The following ANKS1B variants were observed in gnomAD, a reference collection of about 807,000 sequenced individuals.
ANKS1B encodes the protein ankyrin repeat and sterile alpha motif domain containing 1B, also known as ankyrin repeat and sterile alpha motif domain-containing protein 1B.
Under a neutral mutation model 148.3 loss-of-function variants are expected in ANKS1B, and 36 were observed. The observed-to-expected ratio is 0.24, with a 90% CI of 0.19 to 0.32. ANKS1B has a LOEUF of 0.32. Ranked by LOEUF, ANKS1B falls within the 10% of genes least tolerant of loss-of-function variation. The probability of loss-of-function intolerance (pLI) is 1.00; values close to 1 mark genes in which losing one functional copy is unlikely to be tolerated. For synonymous variants in ANKS1B, 542 were observed against 560.8 expected, an observed-to-expected ratio of 0.97 and a Z score of 0.47; for missense variants, 1,157 against 1,542.6, an observed-to-expected ratio of 0.75 and a Z score of 4.19.
At chr12:98,759,649 G>A (rs993050303) in intron 25 of ANKS1B, among the ~76,000 whole-genome samples, 7 of 152,140 alleles carry the variant, frequency 4.6e-5, no homozygotes, top group Admixed American at 3.3e-4. Flanking sequence ...AGGGTTCACT[G>A]ATACATGTGC....
intron 11 of ANKS1B, among the ~76,000 whole-genome samples, chr12:99,438,507 C>G (rs1018165918): frequency 1.3e-5 from 2 of 151,950 alleles, no homozygotes; most frequent in East Asian, 3.9e-4. Context: ...CTGTTCAATT[C>G]TTTCCTATCC....
intron 12 of ANKS1B, among the ~76,000 whole-genome samples, chr12:99,258,381 G>T (rs188231381): frequency 6.6e-6 from 1 of 151,790 alleles, no homozygotes; most frequent in Non-Finnish European, 1.5e-5. Flanking sequence ...AGAAACTAAG[G>T]GAGGTTTGGT....
chr12:99,672,529 G>A (rs2098542865), intron 8 of ANKS1B, among the ~76,000 whole-genome samples: 1 of 152,086 alleles, frequency 6.6e-6, no homozygotes, highest in Non-Finnish European at 1.5e-5. Context: ...GTGGCAGCCT[G>A]CAGCTAATAA....
chr12:99,664,736 C>A (rs1472243868), intron 8 of ANKS1B, among the ~76,000 whole-genome samples: 2 of 152,102 alleles, frequency 1.3e-5, no homozygotes, highest in African/African-American at 4.8e-5. Flanking sequence ...CCCCAGAAAT[C>A]TTTTTTCTGC....
intron 12 of ANKS1B, among the ~76,000 whole-genome samples, chr12:99,308,821 C>A: frequency 6.6e-6 from 1 of 151,044 alleles, no homozygotes; most frequent in Admixed American, 6.6e-5. Context: ...GTCTTTCACA[C>A]ATTTTATTAG....
intron 8 of ANKS1B, among the ~76,000 whole-genome samples, chr12:99,707,206 G>C (rs2055937228): frequency 6.6e-6 from 1 of 152,048 alleles, no homozygotes; most frequent in Non-Finnish European, 1.5e-5. Context: ...TATGAATTCT[G>C]ACTGATTGCC....
At chr12:99,017,679 C>T (rs146707244) in intron 17 of ANKS1B, among the ~76,000 whole-genome samples, 26 of 152,260 alleles carry the variant, frequency 1.7e-4, no homozygotes, top group African/African-American at 6.3e-4. Context: ...CACAAAAACC[C>T]TAAGCTCCAA....
chr12:99,836,283 T>TAA (rs2084846286), intron 1 of ANKS1B, among the ~76,000 whole-genome samples: 1 of 152,004 alleles, frequency 6.6e-6, no homozygotes. Flanking sequence ...TAAATACATG[T>TAA]CTATTTGAGT....
intron 11 of ANKS1B, among the ~76,000 whole-genome samples, chr12:99,432,439 T>C (rs1222512838): frequency 1.3e-5 from 2 of 151,850 alleles, no homozygotes; most frequent in African/African-American, 2.4e-5. Context: ...AGTGCCGAAA[T>C]TGAGCACTTT....
chr12:99,465,550 C>G (rs940885475), intron 10 of ANKS1B, among the ~76,000 whole-genome samples: 19 of 152,066 alleles, frequency 1.2e-4, no homozygotes, highest in African/African-American at 4.6e-4. Flanking sequence ...GGAAACCCAT[C>G]TCACGTGCAG....
intron 14 of ANKS1B, among the ~76,000 whole-genome samples, chr12:99,228,728 A>C (rs533535687): frequency 6.6e-6 from 1 of 152,136 alleles, no homozygotes; most frequent in East Asian, 1.9e-4. Context: ...CCAGGGGTTT[A>C]TTAAAAATAA....
At chr12:99,789,984 G>A (rs1016436658) in intron 4 of ANKS1B, among the ~76,000 whole-genome samples, 1 of 152,044 alleles carries the variant, frequency 6.6e-6, no homozygotes, top group Admixed American at 6.6e-5. Context: ...CAAACCCAGA[G>A]AAAGATATTA....
chr12:99,032,892 T>C (rs917229794), intron 17 of ANKS1B, among the ~76,000 whole-genome samples: 1 of 152,222 alleles, frequency 6.6e-6, no homozygotes, highest in African/African-American at 2.4e-5. Flanking sequence ...TACATTTTAG[T>C]CTTTATTTCT....
At chr12:98,900,184 C>T (rs1031125254) in intron 17 of ANKS1B, among the ~76,000 whole-genome samples, 34 of 152,168 alleles carry the variant, frequency 2.2e-4, no homozygotes, top group African/African-American at 7.2e-4. Context: ...CCATGGAATT[C>T]CATTCTGTAA....
chr12:99,333,107 G>C (rs1019349361), intron 12 of ANKS1B, among the ~76,000 whole-genome samples: 2 of 152,060 alleles, frequency 1.3e-5, no homozygotes, highest in African/African-American at 2.4e-5. Context: ...TTTGGCTGAA[G>C]CACAAAGTAC....
chr12:99,229,823 T>A (rs73377361), intron 14 of ANKS1B, among the ~76,000 whole-genome samples: 7,664 of 152,122 alleles, frequency 0.05, 611 homozygotes, highest in African/African-American at 0.18. Flanking sequence ...ACAATTAGTA[T>A]TTTTTAAGTG....
At position 99,607,916 on chromosome 12, in the gene ANKS1B, T is replaced by G. The variant is rs190527223; in HGVS notation, c.1272+47151A>C. Among the ~76,000 whole-genome samples, 949 of 152,116 alleles carry G rather than the reference T, an allele frequency of 6.2e-3. 8 individuals are homozygous for G. Among genetic ancestry groups the G allele is most frequent in the Non-Finnish European group, 0.01 (689 of 67,988 alleles). Reference sequence around the variant, plus strand: ...AGTCTTATAAAGGATGTGGACTAGATTTTAGGCTGGTAACTGAGGATCTAG... The same window carrying G: ...AGTCTTATAAAGGATGTGGACTAGAGTTTAGGCTGGTAACTGAGGATCTAG... On this transcript the variant is annotated intron_variant, in intron 9 of 26. Coordinates refer to ENST00000683438, the MANE Select transcript of ANKS1B (RefSeq NM_001352186.2).
intron 14 of ANKS1B, among the ~76,000 whole-genome samples, chr12:99,197,726 G>T (rs2081554107): frequency 6.6e-6 from 1 of 152,132 alleles, no homozygotes; most frequent in Non-Finnish European, 1.5e-5. Context: ...GTGGCCTTTA[G>T]AAGCTGGAAA....
chr12:99,883,256 C>T (rs976380516), intron 1 of ANKS1B, among the ~76,000 whole-genome samples: 6 of 151,902 alleles, frequency 3.9e-5, no homozygotes, highest in African/African-American at 7.3e-5. Flanking sequence ...GGGTTTTTGA[C>T]GAAGGTACAA....
Sources: gnomAD v4.1 joint callset for allele counts (sites outside exome capture counted in the v4.1 genomes callset) on GRCh38, gnomAD v4.1.1 for gene constraint, MANE v1.5 for transcripts, NCBI Gene and HGNC (gene_info 2026-07-23, HGNC 2026-07-21) for gene names.